ZFAND3: variants seen among roughly 807,000 people sequenced by gnomAD.
The protein encoded by ZFAND3 is zinc finger AN1-type containing 3, also known as AN1-type zinc finger protein 3.
A neutral mutation model predicts 29.6 loss-of-function variants in ZFAND3; 10 were observed. The observed-to-expected ratio is 0.34, with a 90% CI of 0.21 to 0.57. The LOEUF is 0.57. ZFAND3 is among the 20% of genes least tolerant of loss of function. The pLI is 0.86. For synonymous variants in ZFAND3, 128 were observed against 112.6 expected (o/e 1.14, Z -0.87); for missense variants, 230 against 304.5 (o/e 0.76, Z 1.82).
chr6:37,884,858 T>C (rs1160199442), intron 1 of ZFAND3, among the ~76,000 whole-genome samples: 2 of 152,206 alleles, frequency 1.3e-5, no homozygotes, highest in African/African-American at 4.8e-5. Context: ...CCTTGCCAGA[T>C]AGGACTAGTT....
intron 2 of ZFAND3, among the ~76,000 whole-genome samples, chr6:37,954,851 A>G (rs1482335900): frequency 4.6e-5 from 7 of 152,204 alleles, no homozygotes; most frequent in South Asian, 2.1e-4. Flanking sequence ...TTTTGAGGCA[A>G]GATGTCTCCT....
rs566396606 is a variant in ZFAND3 at position 37,952,037 on chromosome 6, A to G, written c.112+22038A>G. On this transcript the variant is annotated intron_variant, in intron 2 of 5. Coordinates refer to ENST00000287218, the MANE Select transcript of ZFAND3 (RefSeq NM_021943.3). ...TTTTTGTATGTTGAAACAACCTTGC[A>G]TCCCAGGAATAAAGCCTGCTTGATC... Among the ~76,000 whole-genome samples, 430 of 152,336 alleles carry G rather than the reference A, an allele frequency of 2.8e-3. 2 individuals carry two copies. Among genetic ancestry groups the G allele is most frequent in the African/African-American group, 9.8e-3 (408 of 41,582 alleles).
At chr6:37,844,577 G>T (rs1292805971) in intron 1 of ZFAND3, among the ~76,000 whole-genome samples, 1 of 151,916 alleles carries the variant, frequency 6.6e-6, no homozygotes, top group Non-Finnish European at 1.5e-5. Flanking sequence ...CACTGCGCCC[G>T]GCCAGTTTTT....
intron 1 of ZFAND3, among the ~76,000 whole-genome samples, chr6:37,840,390 C>T (rs565153676): frequency 7.7e-4 from 117 of 152,382 alleles, no homozygotes; most frequent in African/African-American, 2.6e-3. Flanking sequence ...TGCGCCACCG[C>T]GCCTGGCCAA....
At chr6:38,026,808 A>AGG (rs768744252) in intron 2 of ZFAND3, among the ~76,000 whole-genome samples, 7 of 150,948 alleles carry the variant, frequency 4.6e-5, no homozygotes, top group Non-Finnish European at 7.4e-5. Context: ...AGAGAGAGAG[A>AGG]GAGTGTAATT....
chr6:38,057,032 A>G (rs990836734), intron 2 of ZFAND3, among the ~76,000 whole-genome samples: 1 of 152,020 alleles, frequency 6.6e-6, no homozygotes, highest in Non-Finnish European at 1.5e-5. Context: ...TATACCATTA[A>G]CTAACTTATA....
intron 1 of ZFAND3, among the ~76,000 whole-genome samples, chr6:37,844,430 C>T (rs1047751991): frequency 8.6e-5 from 13 of 151,880 alleles, no homozygotes; most frequent in African/African-American, 1.5e-4. Flanking sequence ...TACAGGCGCC[C>T]GCCACCACAC....
intron 2 of ZFAND3, among the ~76,000 whole-genome samples, chr6:37,936,241 T>A (rs1388540827): frequency 6.6e-6 from 1 of 152,188 alleles, no homozygotes; most frequent in African/African-American, 2.4e-5. Context: ...CTGACTGAAG[T>A]AACTCCTCTA....
chr6:37,820,766 A>G (rs536789052), intron 1 of ZFAND3, among the ~76,000 whole-genome samples: 3 of 152,346 alleles, frequency 2.0e-5, no homozygotes, highest in Admixed American at 2.0e-4. Flanking sequence ...TTAAGTAAAA[A>G]TGATAAAAAT....
At chr6:37,987,953 T>G (rs1200426163) in intron 2 of ZFAND3, among the ~76,000 whole-genome samples, 1 of 152,260 alleles carries the variant, frequency 6.6e-6, no homozygotes, top group Admixed American at 6.5e-5. Context: ...GAATAAATTC[T>G]GAGTTTCTCA....
intron 3 of ZFAND3, among the ~76,000 whole-genome samples, chr6:38,067,126 C>T (rs571810051): frequency 1.3e-5 from 2 of 152,318 alleles, no homozygotes; most frequent in Admixed American, 1.3e-4. Flanking sequence ...ACAATCATCC[C>T]TCATTATACA....
intron 1 of ZFAND3, among the ~76,000 whole-genome samples, chr6:37,846,538 A>G (rs996353440): frequency 6.6e-6 from 1 of 152,150 alleles, no homozygotes; most frequent in African/African-American, 2.4e-5. Flanking sequence ...ACCCTTTCAC[A>G]TAAGTTGAAT....
chr6:37,829,948 C>A (rs576669803), intron 1 of ZFAND3, among the ~76,000 whole-genome samples: 16 of 152,186 alleles, frequency 1.1e-4, no homozygotes, highest in Admixed American at 3.3e-4. Context: ...CTCAAAAATC[C>A]TGATCTGTGG....
chr6:38,142,540 GCT>G (rs968398500), intron 5 of ZFAND3, among the ~76,000 whole-genome samples: 80 of 152,340 alleles, frequency 5.3e-4, no homozygotes, highest in African/African-American at 1.9e-3. Flanking sequence ...GTAGGAGACT[GCT>G]CTGTTTGAGA....
At chr6:38,029,652 C>T (rs576460422) in intron 2 of ZFAND3, among the ~76,000 whole-genome samples, 1 of 152,012 alleles carries the variant, frequency 6.6e-6, no homozygotes, top group Admixed American at 6.5e-5. Context: ...GATAAATAGG[C>T]AAAAATTTGG....
chr6:38,145,923 T>C (rs1035018661), intron 5 of ZFAND3, among the ~76,000 whole-genome samples: 1 of 152,238 alleles, frequency 6.6e-6, no homozygotes, highest in Non-Finnish European at 1.5e-5. Flanking sequence ...AACTGCCTCC[T>C]GCTTTTCTCA....
In ZFAND3 at chr6:38,101,107, T is replaced by G. The variant is rs1276971981; in HGVS notation, c.362-15465T>G. Reference sequence around the variant, plus strand: ...TGATAAATCTTTTAGTGAAGATGGTTGAATTGAGGTTACAATGTTAGATAG... The same window carrying G: ...TGATAAATCTTTTAGTGAAGATGGTGGAATTGAGGTTACAATGTTAGATAG... On this transcript the variant is annotated intron_variant, in intron 4 of 5. Coordinates refer to ENST00000287218, the MANE Select transcript of ZFAND3 (RefSeq NM_021943.3). 3.3e-5 allele frequency among the ~76,000 whole-genome samples: 5 copies of G among 152,250 alleles called. No homozygotes were observed. The South Asian group carries it at 1.0e-3, about 31-fold the overall frequency.
intron 2 of ZFAND3, among the ~76,000 whole-genome samples, chr6:38,000,914 G>A (rs1762936845): frequency 6.6e-6 from 1 of 152,114 alleles, no homozygotes; most frequent in Non-Finnish European, 1.5e-5. Flanking sequence ...CACTGACTGA[G>A]TCTTGCGCCT....
chr6:37,833,870 A>G (rs1763911695), intron 1 of ZFAND3, among the ~76,000 whole-genome samples: 1 of 151,590 alleles, frequency 6.6e-6, no homozygotes, highest in South Asian at 2.1e-4. Flanking sequence ...AAGGAGTTTC[A>G]GGTTTACAAC....
Sources: gnomAD v4.1 joint callset for allele counts (sites outside exome capture counted in the v4.1 genomes callset) on GRCh38, gnomAD v4.1.1 for gene constraint, MANE v1.5 for transcripts, NCBI Gene and HGNC (gene_info 2026-07-23, HGNC 2026-07-21) for gene names.